The following PCDH15 variants were observed in gnomAD, a reference collection of about 807,000 sequenced individuals.
The protein encoded by PCDH15 is protocadherin-15.
In PCDH15, 129 loss-of-function variants were observed where a neutral mutation model predicts 178.5. That is an observed-to-expected ratio of 0.72 (90% CI 0.63 to 0.84). PCDH15 has a LOEUF of 0.84. Among genes scored for constraint, PCDH15 ranks in the 40% least tolerant of loss-of-function variants. The pLI is 0.00. For synonymous variants in PCDH15, 800 were observed against 732.0 expected (o/e 1.09, Z -1.50); for missense variants, 2,230 against 2,099.9 (o/e 1.06, Z -1.21).
intron 3 of PCDH15, among the ~76,000 whole-genome samples, chr10:54,411,375 A>T (rs1295440352): frequency 1.3e-5 from 2 of 152,216 alleles, no homozygotes; most frequent in Non-Finnish European, 2.9e-5. Flanking sequence ...CTGACTTTTT[A>T]AAATAAAATT....
At chr10:54,606,304 T>C (rs1268169680) in intron 2 of PCDH15, 1 of 152,168 alleles carries the variant, frequency 6.6e-6, no homozygotes, top group Admixed American at 6.6e-5. Context: ...GTAGTGATGA[T>C]TCTATTTCCT....
chr10:53,972,241 A>C (rs1195380948), intron 21 of PCDH15, among the ~76,000 whole-genome samples: 1 of 150,070 alleles, frequency 6.7e-6, no homozygotes, highest in African/African-American at 2.4e-5. Flanking sequence ...CCATATGTAG[A>C]AAGCTGAAAC....
chr10:53,839,127 C>G (rs895777004), intron 29 of PCDH15, among the ~76,000 whole-genome samples: 2 of 139,822 alleles, frequency 1.4e-5, no homozygotes, highest in African/African-American at 5.5e-5. Context: ...TGGCGTGAAC[C>G]CGGGAGGTGG....
chr10:55,052,212 C>T (rs1260237189), intron 2 of PCDH15, among the ~76,000 whole-genome samples: 2 of 151,396 alleles, frequency 1.3e-5, no homozygotes, highest in African/African-American at 4.9e-5. Flanking sequence ...CTCAGCCTCC[C>T]GAGTAGCTGG....
chr10:55,460,039 C>A (rs1589046951), intron 2 of PCDH15, among the ~76,000 whole-genome samples: 1 of 151,952 alleles, frequency 6.6e-6, no homozygotes, highest in South Asian at 2.1e-4. Context: ...CAGAACAGAA[C>A]CCCACAGAAC....
intron 2 of PCDH15, among the ~76,000 whole-genome samples, chr10:55,464,660 G>A (rs1356811584): frequency 6.4e-5 from 9 of 141,582 alleles, no homozygotes; most frequent in African/African-American, 7.8e-5. Flanking sequence ...ATATATGTGT[G>A]TGTGTGTGTA....
chr10:55,424,330 T>G (rs377692795), intron 2 of PCDH15, among the ~76,000 whole-genome samples: 2 of 152,254 alleles, frequency 1.3e-5, no homozygotes, highest in East Asian at 1.9e-4. Context: ...GAGACCCTAC[T>G]TGGCTTATCT....
Position 54,132,956 on chromosome 10 carries a change from G to A in PCDH15, c.1836C>T (p.Ser612=), listed in dbSNP as rs200226791. The A allele has an allele frequency of 7.4e-6, 12 of 1,614,112 alleles. No individual in the cohort carries two copies. The highest frequency in any genetic ancestry group is 1.6e-4 in the Middle Eastern group (1 of 6,062). The change falls in exon 15 of 38, where the codon AGC becomes AGT. Residue 612 remains serine (S), a synonymous_variant. Transcript: ENST00000644397. Reference sequence around the variant, plus strand: ...ACATCAGCTGTGGGAAGCGAGGAGGGCTTTGATTATTTGGTGGAAGCACTT... The same window carrying A: ...ACATCAGCTGTGGGAAGCGAGGAGGACTTTGATTATTTGGTGGAAGCACTT... ...YIEVLPPNNQ[S]PPRFPQLMYS...
At chr10:55,437,880 C>T (rs1384510898) in intron 2 of PCDH15, among the ~76,000 whole-genome samples, 1 of 144,352 alleles carries the variant, frequency 6.9e-6, no homozygotes, top group East Asian at 2.0e-4. Context: ...TCTTGTTTCC[C>T]AGGCGGGAGT....
intron 2 of PCDH15, among the ~76,000 whole-genome samples, chr10:55,538,578 TTTCCTTCCTTCC>T (rs368432762): frequency 8.7e-5 from 4 of 46,194 alleles, no homozygotes; most frequent in African/African-American, 3.2e-4. Context: ...TCCTTCCTCC[TTTCCTTCCTTCC>T]TTCCTTCCTT....
intron 2 of PCDH15, among the ~76,000 whole-genome samples, chr10:55,373,022 C>CA (rs1414039854): frequency 4.6e-5 from 7 of 151,838 alleles, no homozygotes; most frequent in African/African-American, 9.7e-5. Flanking sequence ...CATTAAGATT[C>CA]AAAAAATAAT....
intron 1 of PCDH15, among the ~76,000 whole-genome samples, chr10:54,750,772 A>G (rs1946123717): frequency 6.6e-6 from 1 of 152,160 alleles, no homozygotes; most frequent in Non-Finnish European, 1.5e-5. Flanking sequence ...AATTATTTTT[A>G]AATTTTTGTC....
intron 3 of PCDH15, among the ~76,000 whole-genome samples, chr10:54,832,893 A>G (rs939494811): frequency 2.0e-5 from 3 of 152,188 alleles, no homozygotes; most frequent in Non-Finnish European, 2.9e-5. Flanking sequence ...AGAGAGCTCA[A>G]GAACTTCTAG....
chr10:54,759,718 A>G (rs887634648), intron 1 of PCDH15, among the ~76,000 whole-genome samples: 5 of 152,242 alleles, frequency 3.3e-5, no homozygotes, highest in Admixed American at 6.5e-5. Flanking sequence ...CACTATCAGG[A>G]CATAAAATCT....
At chr10:55,110,098 T>C (rs1837461587) in intron 2 of PCDH15, among the ~76,000 whole-genome samples, 2 of 151,858 alleles carry the variant, frequency 1.3e-5, no homozygotes, top group African/African-American at 4.8e-5. Flanking sequence ...CTAAATAACA[T>C]TTTAAATGCC....
intron 2 of PCDH15, among the ~76,000 whole-genome samples, chr10:55,460,816 T>A (rs1839660539): frequency 6.6e-6 from 1 of 152,066 alleles, no homozygotes; most frequent in Non-Finnish European, 1.5e-5. Context: ...TGCTGGATAT[T>A]TTTCTCTCAT....
chr10:54,186,693 TTGAGAAAAAG>T (rs1275039636), intron 11 of PCDH15, among the ~76,000 whole-genome samples: 1 of 151,880 alleles, frequency 6.6e-6, no homozygotes, highest in African/African-American at 2.4e-5. Context: ...ATCAAAAATA[TTGAGAAAAAG>T]TTCAAGAGGC....
intron 2 of PCDH15, among the ~76,000 whole-genome samples, chr10:55,601,460 G>A (rs1022704345): frequency 1.6e-4 from 24 of 152,232 alleles, no homozygotes; most frequent in Non-Finnish European, 2.1e-4. Context: ...TAAAAGACAG[G>A]AGCCAGGAGA....
At chr10:54,108,123 C>A (rs1211376427) in intron 15 of PCDH15, among the ~76,000 whole-genome samples, 1 of 151,982 alleles carries the variant, frequency 6.6e-6, no homozygotes, top group Non-Finnish European at 1.5e-5. Flanking sequence ...GCAAGATGGT[C>A]CCCCAGTAAT....
Sources: allele counts gnomAD v4.1 joint callset (sites outside exome capture counted in the v4.1 genomes callset), GRCh38; gene constraint gnomAD v4.1.1; transcripts MANE v1.5; gene names NCBI Gene and HGNC (gene_info 2026-07-23, HGNC 2026-07-21).